The following ZNF454 variants were observed in gnomAD, a reference collection of about 807,000 sequenced individuals.
ZNF454 encodes the protein zinc finger protein 454.
In ZNF454, 30 loss-of-function variants were observed where a neutral mutation model predicts 48.2. The ratio of observed to expected loss-of-function variants is 0.62; its 90% CI spans 0.47 to 0.84. ZNF454 has a LOEUF of 0.84. Among genes scored for constraint, ZNF454 ranks in the 40% least tolerant of loss-of-function variants. The pLI is 0.00. For synonymous variants in ZNF454, 204 were observed against 211.4 expected, an observed-to-expected ratio of 0.97 and a Z score of 0.30; for missense variants, 510 against 623.1, an observed-to-expected ratio of 0.82 and a Z score of 1.93.
chr5:178,983,570 A>C, the ZNF454 span: 1 of 454,088 alleles, frequency 2.2e-6, no homozygotes, highest in Non-Finnish European at 4.4e-6. Context: ...GCGCCCCTTC[A>C]AGGTAGATGG....
chr5:178,982,827 G>A, the ZNF454 span: 11 of 976,444 alleles, frequency 1.1e-5, no homozygotes, highest in East Asian at 4.8e-5. Context: ...ACAAAAGCAC[G>A]AACAAGCATT....
chr5:178,985,490 T>G, the ZNF454 span: 242 of 341,546 alleles, frequency 7.1e-4, no homozygotes, highest in African/African-American at 5.2e-3. Context: ...GATCACGAGG[T>G]CAGGAGATCG....
chr5:178,986,263 CT>C, the ZNF454 span: 11 of 1,614,036 alleles, frequency 6.8e-6, no homozygotes, highest in African/African-American at 1.3e-5. Context: ...GGCAGAGTAG[CT>C]GAGGGTCGTG....
chr5:178,986,462 C>T, the ZNF454 span: 62 of 1,612,478 alleles, frequency 3.8e-5, no homozygotes, highest in Non-Finnish European at 5.1e-5. Flanking sequence ...GTAGTGGCCA[C>T]GATGCCCAGC....
Position 178,941,263 on chromosome 5 carries a change from C to A in ZNF454, c.-289C>A, listed in dbSNP as rs575705429. ...CGATGTGGCGCTTGCGATCTCTCGC[C>A]GCCGGCAGAGGCTCCTCGAAGAGCG... On this transcript the variant is annotated 5_prime_UTR_variant, in exon 1 of 5. Coordinates refer to ENST00000519564, the MANE Select transcript of ZNF454 (RefSeq NM_001178089.3). This position sits in a 1 kb window ranked among gnomAD's most constrained non-coding sequence, Gnocchi z 5.5. 1.3e-5 allele frequency: 5 copies of A among 397,776 alleles called. No homozygotes were observed. The highest frequency in any genetic ancestry group is 2.5e-5 in the Non-Finnish European group (5 of 197,296). The allele number at this position is 397,776 out of a possible 1,614,324, so 24.6% of individuals were successfully genotyped here.
chr5:178,961,902 C>T (rs1043826409), intron 4 of ZNF454, among the ~76,000 whole-genome samples: 3 of 151,454 alleles, frequency 2.0e-5, no homozygotes, highest in Non-Finnish European at 4.4e-5. Flanking sequence ...ATTTGCAATC[C>T]ATTAAGACAT....
At position 178,964,692 on chromosome 5, in the gene ZNF454, C is replaced by A; in HGVS notation, c.288C>A (p.Val96=). Residue 96 remains valine, a synonymous_variant, in exon 5 of 5, where the codon GTC becomes GTA. Transcript: ENST00000519564. Reference sequence around the variant, plus strand: ...TGCCTGCCAGTAAGAAATCTACTGTCAAGGCAGAGATTCCTGAAGAAGAAT... The same window carrying A: ...TGCCTGCCAGTAAGAAATCTACTGTAAAGGCAGAGATTCCTGAAGAAGAAT... ...MTMPASKKST[V]KAEIPEEELD... 1 of 1,614,048 alleles carries A rather than the reference C, an allele frequency of 6.2e-7. No individual in the cohort carries two copies. Among genetic ancestry groups the A allele is most frequent in the South Asian group, 1.1e-5 (1 of 91,064 alleles).
chr5:178,943,101 A>T (rs1397428998), intron 2 of ZNF454, among the ~76,000 whole-genome samples: 3 of 152,234 alleles, frequency 2.0e-5, no homozygotes, highest in Non-Finnish European at 2.9e-5. Context: ...TTCACTAGCA[A>T]GTAAGATTAG....
the ZNF454 span, chr5:178,977,571 TC>T: frequency 1.9e-5 from 4 of 211,380 alleles, no homozygotes; most frequent in East Asian, 1.3e-4. Context: ...AATTCAGTCT[TC>T]TTTTTTTTTT....
At chr5:178,964,497 C>T (rs1760084036) in intron 4 of ZNF454, among the ~76,000 whole-genome samples, 158 bp from the exon 5 acceptor site, 1 of 152,190 alleles carries the variant, frequency 6.6e-6, no homozygotes, top group Admixed American at 6.5e-5. Flanking sequence ...TGCTGTAGTC[C>T]TCTGTTCACC....
At chr5:178,951,108 T>G (rs1192265769) in intron 4 of ZNF454, among the ~76,000 whole-genome samples, 9 of 152,152 alleles carry the variant, frequency 5.9e-5, no homozygotes, top group Non-Finnish European at 1.3e-4. Context: ...TCCGCCCACC[T>G]CGGCCTCCCA....
At chr5:178,982,012 G>A in the ZNF454 span, among the ~76,000 whole-genome samples, 1 of 152,204 alleles carries the variant, frequency 6.6e-6, no homozygotes, top group East Asian at 1.9e-4. Flanking sequence ...GGGGCCCCGC[G>A]CCTGAGGGGC....
chr5:178,957,118 GT>G (rs767272407), intron 4 of ZNF454, among the ~76,000 whole-genome samples: 27 of 151,904 alleles, frequency 1.8e-4, no homozygotes, highest in African/African-American at 6.5e-4. Context: ...TCTTGACCTC[GT>G]GATCCGCCCA....
At chr5:178,977,231 A>G in the ZNF454 span, among the ~76,000 whole-genome samples, 4 of 152,306 alleles carry the variant, frequency 2.6e-5, no homozygotes, top group South Asian at 8.3e-4. Flanking sequence ...GTGAGATCCT[A>G]ACCCCCATTG....
chr5:178,973,657 C>T, the ZNF454 span, among the ~76,000 whole-genome samples: 1 of 152,104 alleles, frequency 6.6e-6, no homozygotes, highest in East Asian at 1.9e-4. Context: ...TCCTGGCTAA[C>T]ACGGTGAAAC....
chr5:178,964,212 C>T (rs1156434047), intron 4 of ZNF454, among the ~76,000 whole-genome samples: 1 of 151,634 alleles, frequency 6.6e-6, no homozygotes, highest in African/African-American at 2.4e-5. Context: ...GCTCCGCCTC[C>T]CGGGTTCACA....
chr5:178,989,162 G>A, the ZNF454 span: 5 of 1,609,810 alleles, frequency 3.1e-6, no homozygotes, highest in South Asian at 3.3e-5. Context: ...CAGAGAAAGT[G>A]TGCCCGGCCC....
Position 178,941,472 on chromosome 5 carries a change from G to C in ZNF454, c.-108+28G>C, listed in dbSNP as rs1273978095. ...ATGTCTGAGATTTGATCCCAGAGAG[G>C]GAGGACGGCCAGGGGTGGTCATCCT... On this transcript the variant is annotated intron_variant, in intron 1 of 4. Transcript: ENST00000519564. This position sits in a 1 kb window ranked among gnomAD's most constrained non-coding sequence, Gnocchi z 5.5. 1 of 451,718 alleles carries C rather than the reference G, an allele frequency of 2.2e-6. No individual in the cohort carries two copies. The highest frequency in any genetic ancestry group is 7.0e-5 in the East Asian group (1 of 14,316). The allele number at this position is 451,718 out of a possible 1,614,324, so 28.0% of individuals were successfully genotyped here. A position where few individuals can be genotyped will look rare whatever the true frequency, so the allele number is the denominator to read the frequency against.
the ZNF454 span, among the ~76,000 whole-genome samples, chr5:178,982,284 A>G: frequency 0.11 from 17,074 of 152,246 alleles, 1,124 homozygotes; most frequent in East Asian, 0.23. Context: ...TGGCAGTTAT[A>G]AAGCACATGA....
Sources: allele counts gnomAD v4.1 joint callset (sites outside exome capture counted in the v4.1 genomes callset), GRCh38; gene constraint gnomAD v4.1.1; non-coding constraint Gnocchi (gnomAD v3.1); transcripts MANE v1.5; gene names NCBI Gene and HGNC (gene_info 2026-07-23, HGNC 2026-07-21).